The following MGAT4C variants were observed in gnomAD, a reference collection of about 807,000 sequenced individuals.
MGAT4C encodes MGAT4 family member C.
MGAT4C carries 19 observed loss-of-function variants against 40.1 expected under a neutral mutation model. The ratio of observed to expected loss-of-function variants is 0.47; its 90% CI spans 0.33 to 0.70. The LOEUF (loss-of-function observed/expected upper bound fraction) is 0.70. MGAT4C is among the 30% of genes least tolerant of loss of function. MGAT4C has a pLI of 0.02. For missense variants in MGAT4C, 491 were observed against 563.2 expected (o/e 0.87, Z 1.30); for synonymous variants, 181 against 187.1 (o/e 0.97, Z 0.27).
chr12:86,506,335 GTAAA>G (rs1958472424), intron 2 of MGAT4C, among the ~76,000 whole-genome samples: 3 of 152,122 alleles, frequency 2.0e-5, no homozygotes, highest in Admixed American at 2.0e-4. Flanking sequence ...TGCCTTGTCT[GTAAA>G]TAAATAAACA....
In MGAT4C at chr12:86,780,295, C is replaced by T. The variant is rs796107082; in HGVS notation, c.-261-53054G>A. ...AAGCGGTACAAGTGTGGTTTTATTA[C>T]ATAAGTAATATAAATCCCATGTTTG... On this transcript the variant is annotated intron_variant, in intron 1 of 7. Coordinates refer to the MGAT4C transcript ENST00000548651. Among the ~76,000 whole-genome samples, 9 of 152,072 alleles carry T rather than the reference C, an allele frequency of 5.9e-5. 1 individual carries two copies. The highest frequency in any genetic ancestry group is 2.2e-4 in the African/African-American group (9 of 41,482).
rs553973043 is a variant in MGAT4C, at chr12:86,764,159, C to T, written c.-261-36918G>A. 5.6e-4 allele frequency among the ~76,000 whole-genome samples: 86 copies of T among 152,226 alleles called. 1 individual carries two copies. Among genetic ancestry groups the T allele is most frequent in the Admixed American group, 2.0e-3 (30 of 15,298 alleles). ...CCTGGAAAATCAGGTCATTCCCACC[C>T]GAATACTGTGCTTTTCTGAGAGGCT... On this transcript the variant is annotated intron_variant, in intron 1 of 7. Transcript: ENST00000548651.
At chr12:86,110,302 A>ATATATATAGTC (rs1555224769) in intron 1 of MGAT4C, among the ~76,000 whole-genome samples, 3 of 82,920 alleles carry the variant, frequency 3.6e-5, no homozygotes, top group African/African-American at 1.3e-4. Flanking sequence ...TAGTCTCTCT[A>ATATATATAGTC]TATATATATA....
intron 2 of MGAT4C, among the ~76,000 whole-genome samples, chr12:86,709,112 G>A (rs1266998321): frequency 6.6e-6 from 1 of 152,100 alleles, no homozygotes; most frequent in East Asian, 1.9e-4. Context: ...GGACCCAGTG[G>A]GAGGTAATTG....
rs553577487 is a variant in MGAT4C, at chr12:86,525,364, G to A, written c.-228-90099C>T. ...AGGCCTCCCCAGTCACATGGAACTG[G>A]AAGTTGATTAAACCTCTTTCCTTTA... On this transcript the variant is annotated intron_variant, in intron 2 of 7. Coordinates refer to the MGAT4C transcript ENST00000548651. 7.2e-5 allele frequency among the ~76,000 whole-genome samples: 11 copies of A among 152,282 alleles called. No homozygotes were observed. In the South Asian group the frequency reaches 1.9e-3, roughly 26 times the overall value.
chr12:86,821,154 T>C (rs1454641749), intron 1 of MGAT4C, among the ~76,000 whole-genome samples: 1 of 150,894 alleles, frequency 6.6e-6, no homozygotes, highest in African/African-American at 2.4e-5. Context: ...ATGTAATACA[T>C]GCAGAGAAAT....
chr12:86,821,417 T>C (rs1952704778), intron 1 of MGAT4C, among the ~76,000 whole-genome samples: 1 of 150,964 alleles, frequency 6.6e-6, no homozygotes, highest in Non-Finnish European at 1.5e-5. Flanking sequence ...AATATTTTGA[T>C]ATTATACAAG....
At chr12:86,113,541 T>G (rs1028628213) in intron 1 of MGAT4C, among the ~76,000 whole-genome samples, 8 of 151,524 alleles carry the variant, frequency 5.3e-5, no homozygotes, top group South Asian at 4.2e-4. Context: ...AATGCAAACA[T>G]GAAAAGGAAA....
At chr12:86,186,571 G>A (rs751225382) in intron 1 of MGAT4C, among the ~76,000 whole-genome samples, 82 of 152,058 alleles carry the variant, frequency 5.4e-4, no homozygotes, top group Non-Finnish European at 9.1e-4. Context: ...TATTCCCCTT[G>A]AGCTCTAAAA....
At chr12:86,248,274 C>CT (rs1315804313) in intron 1 of MGAT4C, among the ~76,000 whole-genome samples, 2 of 151,526 alleles carry the variant, frequency 1.3e-5, no homozygotes, top group Non-Finnish European at 2.9e-5. Context: ...GACATTCATT[C>CT]AGCAAACTTC....
intron 2 of MGAT4C, among the ~76,000 whole-genome samples, chr12:86,496,515 T>G (rs1958238708): frequency 6.6e-6 from 1 of 152,042 alleles, no homozygotes; most frequent in Admixed American, 6.6e-5. Flanking sequence ...TACCTAAAAT[T>G]ATGTGGTAAT....
At chr12:86,012,970 A>T (rs1169659360) in intron 2 of MGAT4C, among the ~76,000 whole-genome samples, 1 of 112,018 alleles carries the variant, frequency 8.9e-6, no homozygotes, top group Non-Finnish European at 2.3e-5. Flanking sequence ...CGAAAATTAA[A>T]AAAAAAAAAA....
intron 1 of MGAT4C, among the ~76,000 whole-genome samples, chr12:86,745,882 C>A (rs1199234126): frequency 6.6e-6 from 1 of 151,654 alleles, no homozygotes; most frequent in East Asian, 1.9e-4. Flanking sequence ...GCTTCAGGAA[C>A]TTAAGCCAAA....
chr12:86,015,733 C>T (rs1280038293), intron 2 of MGAT4C: 1 of 152,196 alleles, frequency 6.6e-6, no homozygotes, highest in Non-Finnish European at 1.5e-5. Flanking sequence ...TTTTTAACGA[C>T]CTTAAAGTGC....
chr12:86,417,356 C>A (rs1315426985), intron 3 of MGAT4C, among the ~76,000 whole-genome samples: 1 of 151,964 alleles, frequency 6.6e-6, no homozygotes, highest in Non-Finnish European at 1.5e-5. Context: ...ATCTTTAAGG[C>A]TAAAGTATAC....
At chr12:86,587,641 T>C (rs1175953067) in intron 2 of MGAT4C, among the ~76,000 whole-genome samples, 1 of 152,092 alleles carries the variant, frequency 6.6e-6, no homozygotes, top group Non-Finnish European at 1.5e-5. Context: ...TGGTTTGTAG[T>C]TCTCCTTGAA....
intron 1 of MGAT4C, among the ~76,000 whole-genome samples, chr12:86,753,949 A>T (rs1951262231): frequency 6.6e-6 from 1 of 152,166 alleles, no homozygotes; most frequent in South Asian, 2.1e-4. Flanking sequence ...ATAATTTGAC[A>T]GTTTTAAAAA....
intron 4 of MGAT4C, among the ~76,000 whole-genome samples, chr12:86,309,168 C>T (rs117379801): frequency 2.2e-4 from 33 of 150,152 alleles, no homozygotes; most frequent in Non-Finnish European, 4.6e-4. Context: ...AGAACAAAAT[C>T]AAATAAGTAT....
At chr12:86,324,955 T>A (rs1954491060) in intron 4 of MGAT4C, among the ~76,000 whole-genome samples, 1 of 152,132 alleles carries the variant, frequency 6.6e-6, no homozygotes, top group Non-Finnish European at 1.5e-5. Flanking sequence ...TAGTTTCAGA[T>A]GAGCATTTAA....
Sources: gnomAD v4.1 joint callset for allele counts (sites outside exome capture counted in the v4.1 genomes callset) on GRCh38, gnomAD v4.1.1 for gene constraint, MANE v1.5 for transcripts, NCBI Gene and HGNC (gene_info 2026-07-23, HGNC 2026-07-21) for gene names.